IQCH: variants seen among roughly 807,000 people sequenced by gnomAD.
The protein encoded by IQCH is IQ domain-containing protein H.
IQCH carries 98 observed loss-of-function variants against 117.0 expected under a neutral mutation model. That is an observed-to-expected ratio of 0.84 (90% CI 0.71 to 0.99). The LOEUF (loss-of-function observed/expected upper bound fraction) is 0.99. Ranked by LOEUF, IQCH falls within the 50% of genes least tolerant of loss-of-function variation. IQCH has a pLI of 0.00. For synonymous variants in IQCH, 412 were observed against 448.2 expected (o/e 0.92, Z 1.02); for missense variants, 1,102 against 1,243.8 (o/e 0.89, Z 1.72).
chr15:67,401,388 C>A lies in IQCH; in HGVS notation c.2097+1083C>A, dbSNP rs749629005. ...TCTTAATCCCAAATATCTGTTTTGG[C>A]TGACCTGCTGGTTAAAGCATAACCG... On this transcript the variant is annotated intron_variant, in intron 14 of 20. Coordinates refer to ENST00000335894, the MANE Select transcript of IQCH (RefSeq NM_001031715.3). The surrounding 1 kb of genome is among the most constrained non-coding windows in gnomAD (Gnocchi z 4.7). Among the ~76,000 whole-genome samples, 2 of 152,210 alleles carry A rather than the reference C, an allele frequency of 1.3e-5. No homozygotes were observed. Among genetic ancestry groups the A allele is most frequent in the Non-Finnish European group, 2.9e-5 (2 of 68,042 alleles).
At chr15:67,396,444 T>C (rs889470756) in intron 13 of IQCH, among the ~76,000 whole-genome samples, 2 of 152,236 alleles carry the variant, frequency 1.3e-5, no homozygotes, top group African/African-American at 4.8e-5. Flanking sequence ...TGTGTGGCTA[T>C]GCATTCTTCC....
At chr15:67,286,233 G>T (rs1966557103) in intron 4 of IQCH, among the ~76,000 whole-genome samples, 1 of 151,998 alleles carries the variant, frequency 6.6e-6, no homozygotes, top group South Asian at 2.1e-4. Context: ...TTTTCACATT[G>T]TTCGCTGTGG....
At chr15:67,353,022 T>C (rs1021666548) in intron 6 of IQCH, among the ~76,000 whole-genome samples, 2 of 152,092 alleles carry the variant, frequency 1.3e-5, no homozygotes, top group East Asian at 3.9e-4. Flanking sequence ...GGTGCGCACC[T>C]GTAATCTCAG....
rs189048258 is a variant in IQCH at position 67,370,940 on chromosome 15, G to A, written c.754-1171G>A. On this transcript the variant is annotated intron_variant, in intron 8 of 20. Coordinates refer to ENST00000335894, the MANE Select transcript of IQCH (RefSeq NM_001031715.3). This position sits in a 1 kb window ranked among gnomAD's most constrained non-coding sequence, Gnocchi z 5.6. ...GTAATACTCAACACAGTGCTGTGGC[G>A]TAATCATTATGGATAAATTGCTGGG... 6.9e-4 allele frequency among the ~76,000 whole-genome samples: 101 copies of A among 145,820 alleles called. No individual in the cohort carries two copies. In the Middle Eastern group the frequency reaches 0.014, roughly 21 times the overall value.
chr15:67,399,577 A>G (rs751631110), intron 13 of IQCH, among the ~76,000 whole-genome samples: 2 of 152,224 alleles, frequency 1.3e-5, no homozygotes, highest in African/African-American at 4.8e-5. Context: ...TATATCACAC[A>G]TATACTAAAC....
chr15:67,270,397 T>C (rs554246876), intron 3 of IQCH, among the ~76,000 whole-genome samples: 51 of 152,338 alleles, frequency 3.3e-4, no homozygotes, highest in Admixed American at 5.9e-4. Context: ...ATGTTCCTTC[T>C]ATATCCAGTT....
rs970275625 is a variant in IQCH at position 67,427,939 on chromosome 15, G to T, written c.2505+6362G>T. On this transcript the variant is annotated intron_variant, in intron 16 of 20. Transcript: ENST00000335894. The surrounding 1 kb of genome is among the most constrained non-coding windows in gnomAD (Gnocchi z 4.7). ...TGCCTCCCAGGCTCAAGTGATTCTTGTGCCTTAGCCTCCTGAGTAGCTGGG... is the reference window on the plus strand; with the variant it reads ...TGCCTCCCAGGCTCAAGTGATTCTTTTGCCTTAGCCTCCTGAGTAGCTGGG... Among the ~76,000 whole-genome samples the T allele has an allele frequency of 1.3e-5, 2 of 148,262 alleles. No homozygotes were observed. The highest frequency in any genetic ancestry group is 5.0e-5 in the African/African-American group (2 of 40,014).
At position 67,424,767 on chromosome 15, in the gene IQCH, C is replaced by A. The variant is rs1171173662; in HGVS notation, c.2505+3190C>A. Among the ~76,000 whole-genome samples the A allele has an allele frequency of 1.3e-5, 2 of 152,158 alleles. No homozygotes were observed. The highest frequency in any genetic ancestry group is 2.9e-5 in the Non-Finnish European group (2 of 68,030). On this transcript the variant is annotated intron_variant, in intron 16 of 20. Transcript: ENST00000335894. The surrounding 1 kb of genome is among the most constrained non-coding windows in gnomAD (Gnocchi z 4.9). Reference sequence around the variant, plus strand: ...TCCCATAAATACTTCAGTATATGATCATTTGTGTTATAGTTATCAACAGAA... The same window carrying A: ...TCCCATAAATACTTCAGTATATGATAATTTGTGTTATAGTTATCAACAGAA...
At chr15:67,340,435 A>C (rs867647236) in intron 5 of IQCH, among the ~76,000 whole-genome samples, 7 of 45,884 alleles carry the variant, frequency 1.5e-4, no homozygotes, top group Non-Finnish European at 2.2e-4. Context: ...TCAAAAAAAA[A>C]AAAAAAAAAA....
chr15:67,484,760 A>G (rs1180620009), intron 18 of IQCH, among the ~76,000 whole-genome samples: 1 of 151,952 alleles, frequency 6.6e-6, no homozygotes, highest in African/African-American at 2.4e-5. Flanking sequence ...AATTAATAAA[A>G]TAAAATAAAA....
At chr15:67,312,903 G>A (rs924687030) in intron 4 of IQCH, among the ~76,000 whole-genome samples, 45 of 152,106 alleles carry the variant, frequency 3.0e-4, no homozygotes, top group African/African-American at 1.1e-3. Flanking sequence ...ACCTTAAACT[G>A]TACTTGAATT....
chr15:67,264,589 C>G (rs1010606990), intron 3 of IQCH, among the ~76,000 whole-genome samples: 5 of 152,108 alleles, frequency 3.3e-5, no homozygotes, highest in Non-Finnish European at 5.9e-5. Context: ...CAAAAGAGAT[C>G]CAGAGAGTGG....
In IQCH at chr15:67,435,522, T is replaced by C. The variant is rs570421313; in HGVS notation, c.2505+13945T>C. Among the ~76,000 whole-genome samples the C allele has an allele frequency of 2.0e-5, 3 of 152,012 alleles. No individual in the cohort carries two copies. In the East Asian group the frequency reaches 5.8e-4, roughly 30 times the overall value. On this transcript the variant is annotated intron_variant, in intron 16 of 20. Transcript: ENST00000335894. ...TTGCTTGAACCAGGGAGGCAGAGGT[T>C]GCAGTGAGCCAAGACTGCACCACTG...
rs748015489 is a variant in IQCH at position 67,377,781 on chromosome 15, A to AT, written c.1372+4357dup. Among the ~76,000 whole-genome samples the AT allele has an allele frequency of 1.6e-3, 244 of 151,530 alleles. 4 individuals are homozygous for AT. The highest frequency in any genetic ancestry group is 0.012 in the East Asian group (64 of 5,174). ...CCTTTAAAGTAAAAATAGAGGTGGGATTTTTTTTTCTTTTCTCCATGTAAT... is the reference window on the plus strand; with the variant it reads ...CCTTTAAAGTAAAAATAGAGGTGGGATTTTTTTTTTCTTTTCTCCATGTAAT... On this transcript the variant is annotated intron_variant, in intron 10 of 20. Transcript: ENST00000335894.
In IQCH at chr15:67,443,775, G is replaced by A. The variant is rs985272071; in HGVS notation, c.2506-21352G>A. Among the ~76,000 whole-genome samples the A allele has an allele frequency of 6.6e-6, 1 of 152,218 alleles. No individual in the cohort carries two copies. The highest frequency in any genetic ancestry group is 2.4e-5 in the African/African-American group (1 of 41,448). On this transcript the variant is annotated intron_variant, in intron 16 of 20. Coordinates refer to ENST00000335894, the MANE Select transcript of IQCH (RefSeq NM_001031715.3). The surrounding 1 kb of genome is among the most constrained non-coding windows in gnomAD (Gnocchi z 5.0). ...TAGCTCAGATCTGAAGTATAGCACT[G>A]ATGGCCAGAGTAATTACGAATGATA...
chr15:67,442,606 T>C lies in IQCH; in HGVS notation c.2505+21029T>C, dbSNP rs946046659. ...GGAATGTAAACTAGTACAGCCACTATGGAAGACAGTGTGGAGATTCCTTAA... is the reference window on the plus strand; with the variant it reads ...GGAATGTAAACTAGTACAGCCACTACGGAAGACAGTGTGGAGATTCCTTAA... On this transcript the variant is annotated intron_variant, in intron 16 of 20. Coordinates refer to ENST00000335894, the MANE Select transcript of IQCH (RefSeq NM_001031715.3). Among the ~76,000 whole-genome samples, 61 of 152,138 alleles carry C rather than the reference T, an allele frequency of 4.0e-4. 1 individual carries two copies. The highest frequency in any genetic ancestry group is 1.3e-4 in the Non-Finnish European group (9 of 68,018).
intron 4 of IQCH, among the ~76,000 whole-genome samples, chr15:67,297,774 A>T (rs914582846): frequency 1.3e-5 from 2 of 152,160 alleles, no homozygotes; most frequent in Non-Finnish European, 2.9e-5. Flanking sequence ...AAAAAATGTC[A>T]TTTAAAGATT....
In IQCH at chr15:67,376,807, G is replaced by T. The variant is rs1344444039; in HGVS notation, c.1372+3374G>T. Among the ~76,000 whole-genome samples the T allele has an allele frequency of 6.6e-6, 1 of 152,010 alleles. No individual in the cohort carries two copies. Among genetic ancestry groups the T allele is most frequent in the Non-Finnish European group, 1.5e-5 (1 of 67,982 alleles). ...ATGAACAGTAAGACAATTAAACATTGTGGAGTAACCTCTTTGAAAGGAGGA... is the reference window on the plus strand; with the variant it reads ...ATGAACAGTAAGACAATTAAACATTTTGGAGTAACCTCTTTGAAAGGAGGA... On this transcript the variant is annotated intron_variant, in intron 10 of 20. Coordinates refer to ENST00000335894, the MANE Select transcript of IQCH (RefSeq NM_001031715.3). The surrounding 1 kb of genome is among the most constrained non-coding windows in gnomAD (Gnocchi z 5.0).
At position 67,494,371 on chromosome 15, in the gene IQCH, G is replaced by A. The variant is rs1472954310; in HGVS notation, c.2970+5G>A. The A allele has an allele frequency of 1.9e-6, 3 of 1,586,804 alleles. No individual in the cohort carries two copies. Among genetic ancestry groups the A allele is most frequent in the Non-Finnish European group, 1.7e-6 (2 of 1,158,372 alleles). On this transcript the variant is annotated splice_donor_5th_base_variant and intron_variant, in intron 20 of 20. Transcript: ENST00000335894. The surrounding 1 kb of genome is among the most constrained non-coding windows in gnomAD (Gnocchi z 5.5). Reference sequence around the variant, plus strand: ...CAAGGCGAGACCAATTTTAAGGTGAGGTGTTAATTAACTAACGATTCTGGT... The same window carrying A: ...CAAGGCGAGACCAATTTTAAGGTGAAGTGTTAATTAACTAACGATTCTGGT...
Sources: gnomAD v4.1 joint callset for allele counts (sites outside exome capture counted in the v4.1 genomes callset) on GRCh38, gnomAD v4.1.1 for gene constraint, Gnocchi (gnomAD v3.1) non-coding constraint, MANE v1.5 for transcripts, NCBI Gene and HGNC (gene_info 2026-07-23, HGNC 2026-07-21) for gene names.